The following PCDHGA12 variants were observed in gnomAD, a reference collection of about 807,000 sequenced individuals.
The protein encoded by PCDHGA12 is protocadherin gamma subfamily A, 12.
In PCDHGA12, 43 loss-of-function variants were observed where a neutral mutation model predicts 61.1. That is an observed-to-expected ratio of 0.70 (90% confidence interval 0.55 to 0.91). The LOEUF (loss-of-function observed/expected upper bound fraction) is 0.91. Among genes scored for constraint, PCDHGA12 ranks in the 40% least tolerant of loss-of-function variants. The pLI is 0.00. For missense variants in PCDHGA12, 1,236 were observed against 1,227.7 expected (o/e 1.01, Z -0.10); for synonymous variants, 520 against 542.9 (o/e 0.96, Z 0.59).
chr5:141,479,050 C>G (rs1484021560), intron 1 of PCDHGA12, among the ~76,000 whole-genome samples: 1 of 152,164 alleles, frequency 6.6e-6, no homozygotes, highest in South Asian at 2.1e-4. Context: ...ACCTCATTCT[C>G]AGATAATTTT....
At chr5:141,447,238 C>T (rs1028683423) in intron 1 of PCDHGA12, among the ~76,000 whole-genome samples, 1 of 152,148 alleles carries the variant, frequency 6.6e-6, no homozygotes, top group Non-Finnish European at 1.5e-5. Context: ...CTCCCGGGTT[C>T]AAGTGATTCT....
At chr5:141,508,859 G>C (rs1268915304) in intron 3 of PCDHGA12, among the ~76,000 whole-genome samples, 1 of 152,086 alleles carries the variant, frequency 6.6e-6, no homozygotes, top group Non-Finnish European at 1.5e-5. Flanking sequence ...CCCAGGCTGG[G>C]AAAGGCTGAA....
chr5:141,435,922 G>A (rs1312886163), intron 1 of PCDHGA12, among the ~76,000 whole-genome samples: 1 of 152,070 alleles, frequency 6.6e-6, no homozygotes, highest in Non-Finnish European at 1.5e-5. Context: ...TCTAAAATGC[G>A]GCAGTTGCTG....
At position 141,486,001 on chromosome 5, in the gene PCDHGA12, C is replaced by G. The variant is rs771993915; in HGVS notation, c.2425-8806C>G. 6.2e-7 allele frequency: 1 copy of G among 1,614,194 alleles called. No homozygotes were observed. Among genetic ancestry groups the G allele is most frequent in the Non-Finnish European group, 8.5e-7 (1 of 1,180,024 alleles). On this transcript the variant is annotated intron_variant, in intron 1 of 3. Transcript: ENST00000252085. The surrounding 1 kb of genome is among the most constrained non-coding windows in gnomAD (Gnocchi z 5.0). ...ACCCGGACCTGGGTCCCAGTGGTAACGTCACCTTTTATTTCAGTGGTCATA... is the reference window on the plus strand; with the variant it reads ...ACCCGGACCTGGGTCCCAGTGGTAAGGTCACCTTTTATTTCAGTGGTCATA...
rs376526750 is a variant in PCDHGA12 at position 141,476,593 on chromosome 5, G to T, written c.2425-18214G>T. The T allele has an allele frequency of 8.5e-5, 138 of 1,614,104 alleles. No individual in the cohort carries two copies. The highest frequency in any genetic ancestry group is 1.1e-4 in the Non-Finnish European group (133 of 1,180,044). On this transcript the variant is annotated intron_variant, in intron 1 of 3. Transcript: ENST00000252085. The surrounding 1 kb of genome is among the most constrained non-coding windows in gnomAD (Gnocchi z 7.6). ...GGACGCGCTTTCCGCTCGAGAGCGCGCACGATCCCGATGTGGGAAGCAACT... is the reference window on the plus strand; with the variant it reads ...GGACGCGCTTTCCGCTCGAGAGCGCTCACGATCCCGATGTGGGAAGCAACT...
rs938964469 is a variant in PCDHGA12 at position 141,485,439 on chromosome 5, C to T, written c.2425-9368C>T. On this transcript the variant is annotated intron_variant, in intron 1 of 3. Transcript: ENST00000252085. This position sits in a 1 kb window ranked among gnomAD's most constrained non-coding sequence, Gnocchi z 5.7. The stretch of plus-strand genomic sequence containing the variant: ...AGCGGAGCCCTGCTCATCAAGAACC[C>T]AATCGACCGAGAGGCACTGTGTGGG... The T allele has an allele frequency of 1.1e-5, 18 of 1,614,182 alleles. No homozygotes were observed. Among genetic ancestry groups the T allele is most frequent in the Non-Finnish European group, 1.5e-5 (18 of 1,180,036 alleles).
chr5:141,475,947 C>A, intron 1 of PCDHGA12: 1 of 748,120 alleles, frequency 1.3e-6, no homozygotes, highest in Non-Finnish European at 2.1e-6. Context: ...CGTCCCCTTT[C>A]TGCGCCCCGG....
At chr5:141,445,313 T>C (rs1186654847) in intron 1 of PCDHGA12, among the ~76,000 whole-genome samples, 8 of 152,328 alleles carry the variant, frequency 5.3e-5, no homozygotes, top group Non-Finnish European at 4.4e-5. Flanking sequence ...GTTTGTAGGT[T>C]GAGAGAACCC....
In PCDHGA12 at chr5:141,491,406, C is replaced by G. The variant is rs773729429; in HGVS notation, c.2425-3401C>G. On this transcript the variant is annotated intron_variant, in intron 1 of 3. Transcript: ENST00000252085. This position sits in a 1 kb window ranked among gnomAD's most constrained non-coding sequence, Gnocchi z 6.9. ...CGAAGTGCCTTCAGGGAAACGCAGA[C>G]GGGGACGGGGGTGGAGGGCAGTGCT... 9 of 1,613,978 alleles carry G rather than the reference C, an allele frequency of 5.6e-6. No homozygotes were observed.
intron 2 of PCDHGA12, among the ~76,000 whole-genome samples, chr5:141,500,682 G>A (rs1661676761): frequency 6.6e-6 from 1 of 152,044 alleles, no homozygotes; most frequent in African/African-American, 2.4e-5. Context: ...CAGAATTATA[G>A]CTTTTTTCTT....
At chr5:141,464,657 T>G (rs575409062) in intron 1 of PCDHGA12, among the ~76,000 whole-genome samples, 1 of 152,312 alleles carries the variant, frequency 6.6e-6, no homozygotes, top group South Asian at 2.1e-4. Context: ...GGTAAAAAGA[T>G]ATCTCCAAAT....
rs1330784633 is a variant in PCDHGA12 at position 141,476,330 on chromosome 5, G to A, written c.2425-18477G>A. On this transcript the variant is annotated intron_variant, in intron 1 of 3. Transcript: ENST00000252085. This position sits in a 1 kb window ranked among gnomAD's most constrained non-coding sequence, Gnocchi z 7.6. ...CCGCAGGTTCCGGGTGGTGTCTGGA[G>A]CTAGCCGAAGATTCTTTGAGGTGAA... The A allele has an allele frequency of 1.2e-6, 2 of 1,614,092 alleles. No homozygotes were observed. The highest frequency in any genetic ancestry group is 1.6e-4 in the Middle Eastern group (1 of 6,084).
chr5:141,482,661 T>A (rs1215403061), intron 1 of PCDHGA12, among the ~76,000 whole-genome samples: 2 of 151,742 alleles, frequency 1.3e-5, no homozygotes, highest in African/African-American at 4.9e-5. Flanking sequence ...TGAGCTATGA[T>A]CTAAAGGTTG....
At chr5:141,439,780 T>G (rs1023743000) in intron 1 of PCDHGA12, 1 of 152,228 alleles carries the variant, frequency 6.6e-6, no homozygotes, top group African/African-American at 2.4e-5. Context: ...TGGCTGGAGA[T>G]TCTATAATCC....
At chr5:141,496,768 A>G (rs997951321) in intron 2 of PCDHGA12, among the ~76,000 whole-genome samples, 10 of 152,260 alleles carry the variant, frequency 6.6e-5, no homozygotes, top group African/African-American at 2.4e-4. Context: ...TCGAGCATCT[A>G]CTATGAGCAG....
Position 141,463,438 on chromosome 5 carries a change from CTTTTTTTTT to C in PCDHGA12, c.2424+30275_2424+30283del, listed in dbSNP as rs71576115. 5.5e-3 allele frequency among the ~76,000 whole-genome samples: 572 copies of C among 103,208 alleles called. 4 individuals carry two copies. The highest frequency in any genetic ancestry group is 8.7e-3 in the Non-Finnish European group (462 of 53,292). The allele number at this position is 103,208 out of a possible 152,430, so 67.7% of individuals were successfully genotyped here. On this transcript the variant is annotated intron_variant, in intron 1 of 3. Transcript: ENST00000252085. ...GTTTGCGGATCCTCATTTCCTTCTC[CTTTTTTTTT>C]TTTTTTTTTTTTTTTTTTTGAGATG...
In PCDHGA12 at chr5:141,487,161, T is replaced by C; in HGVS notation, c.2425-7646T>C. Reference sequence around the variant, plus strand: ...CTCTCTACCTCTGTTACTCTCTTAGTGTCCTTAGAGGAAGACACTCATCCA... The same window carrying C: ...CTCTCTACCTCTGTTACTCTCTTAGCGTCCTTAGAGGAAGACACTCATCCA... On this transcript the variant is annotated intron_variant, in intron 1 of 3. Coordinates refer to ENST00000252085, the MANE Select transcript of PCDHGA12 (RefSeq NM_003735.3). This position sits in a 1 kb window ranked among gnomAD's most constrained non-coding sequence, Gnocchi z 5.0. 6.2e-7 allele frequency: 1 copy of C among 1,613,528 alleles called. No homozygotes were observed.
At chr5:141,462,781 G>C (rs893647456) in intron 1 of PCDHGA12, among the ~76,000 whole-genome samples, 1 of 152,102 alleles carries the variant, frequency 6.6e-6, no homozygotes, top group Non-Finnish European at 1.5e-5. Flanking sequence ...GTCATAATTT[G>C]TTGCTTATTT....
chr5:141,498,805 C>T (rs1397026274), intron 2 of PCDHGA12, among the ~76,000 whole-genome samples: 1 of 152,000 alleles, frequency 6.6e-6, no homozygotes, highest in Non-Finnish European at 1.5e-5. Flanking sequence ...TGGTGGTGCA[C>T]ACCTGTAGTC....
Sources: allele counts gnomAD v4.1 joint callset (sites outside exome capture counted in the v4.1 genomes callset), GRCh38; gene constraint gnomAD v4.1.1; non-coding constraint Gnocchi (gnomAD v3.1); transcripts MANE v1.5; gene names NCBI Gene and HGNC (gene_info 2026-07-23, HGNC 2026-07-21).